Variants in B3GALT1 observed in about 807,000 individuals in gnomAD.
B3GALT1 encodes beta-1,3-galactosyltransferase 1.
A neutral mutation model predicts 23.2 loss-of-function variants in B3GALT1; 10 were observed. The observed-to-expected ratio is 0.43, with a 90% CI of 0.27 to 0.73. B3GALT1 has a LOEUF of 0.73. B3GALT1 is among the 30% of genes least tolerant of loss of function. B3GALT1 has a pLI of 0.21. For synonymous variants in B3GALT1, 156 were observed against 141.5 expected (o/e 1.10, Z -0.73); for missense variants, 299 against 405.4 (o/e 0.74, Z 2.25).
chr2:167,569,613 G>A (rs75917839), intron 2 of B3GALT1, among the ~76,000 whole-genome samples: 176 of 151,862 alleles, frequency 1.2e-3, no homozygotes, highest in Admixed American at 2.5e-3. Context: ...CAAACAATGA[G>A]CATTTTACTT....
intron 1 of B3GALT1, among the ~76,000 whole-genome samples, chr2:167,471,949 A>G (rs1699423636): frequency 6.6e-6 from 1 of 152,180 alleles, no homozygotes; most frequent in African/African-American, 2.4e-5. Flanking sequence ...GAAACACTGT[A>G]GTAGAAGAAA....
chr2:167,869,975 C>T lies in B3GALT1; in HGVS notation c.936C>T (p.His312=), dbSNP rs951129021. Residue 312 remains histidine (H), a synonymous_variant, in exon 5 of 5, where the codon CAC becomes CAT. Coordinates refer to ENST00000392690, the MANE Select transcript of B3GALT1 (RefSeq NM_020981.4). This position sits in a 1 kb window ranked among gnomAD's most constrained non-coding sequence, Gnocchi z 6.4. ...ATCAGATCTCTCCAGAAGAAATGCA[C>T]AGAATCTGGAATGACATGTCAAGCA... is the stretch of plus-strand genomic sequence containing the variant. ...TVHQISPEEM[H]RIWNDMSSKK... 2 of 1,610,044 alleles carry T rather than the reference C, an allele frequency of 1.2e-6. No individual in the cohort carries two copies. The highest frequency in any genetic ancestry group is 4.5e-5 in the East Asian group (2 of 44,784).
intron 1 of B3GALT1, among the ~76,000 whole-genome samples, chr2:167,340,198 C>T (rs1003555941): frequency 2.0e-5 from 3 of 151,600 alleles, no homozygotes; most frequent in African/African-American, 7.3e-5. Context: ...CCAGTTTGAC[C>T]TTGATCATCT....
intron 1 of B3GALT1, among the ~76,000 whole-genome samples, chr2:167,304,445 C>A (rs1323000655): frequency 6.6e-6 from 1 of 152,070 alleles, no homozygotes; most frequent in Non-Finnish European, 1.5e-5. Flanking sequence ...GGAAATAAGG[C>A]ATTAAATTAG....
intron 1 of B3GALT1, among the ~76,000 whole-genome samples, chr2:167,458,192 A>G (rs779727380): frequency 9.2e-5 from 14 of 152,294 alleles, no homozygotes; most frequent in Non-Finnish European, 1.9e-4. Flanking sequence ...TACCTCATAT[A>G]TAAGTGGAAT....
At chr2:167,692,699 C>T (rs1237153653) in intron 3 of B3GALT1, among the ~76,000 whole-genome samples, 2 of 151,944 alleles carry the variant, frequency 1.3e-5, no homozygotes, top group African/African-American at 4.8e-5. Context: ...TTAATAATAA[C>T]AATAATAGAA....
chr2:167,626,602 C>A (rs182673481), intron 2 of B3GALT1, among the ~76,000 whole-genome samples: 1,712 of 151,526 alleles, frequency 0.011, 17 homozygotes, highest in South Asian at 0.036. Flanking sequence ...AGAAAAAAAA[C>A]CAAAACAGGG....
intron 1 of B3GALT1, among the ~76,000 whole-genome samples, chr2:167,357,107 G>A (rs544253012): frequency 5.1e-4 from 78 of 151,938 alleles, no homozygotes; most frequent in African/African-American, 1.7e-3. Context: ...GTGCTTTCTA[G>A]AACTTGTTTA....
chr2:167,453,145 A>C (rs1699114290), intron 1 of B3GALT1, among the ~76,000 whole-genome samples: 6 of 152,186 alleles, frequency 3.9e-5, no homozygotes, highest in Admixed American at 3.9e-4. Flanking sequence ...CAGAATCACA[A>C]GAGAAGGAGT....
intron 2 of B3GALT1, among the ~76,000 whole-genome samples, chr2:167,598,153 T>C (rs1684812121): frequency 6.6e-6 from 1 of 152,190 alleles, no homozygotes; most frequent in South Asian, 2.1e-4. Context: ...AAGGTGGAAC[T>C]ACATTTATTC....
At chr2:167,721,164 G>A (rs762802864) in intron 3 of B3GALT1, among the ~76,000 whole-genome samples, 10 of 151,986 alleles carry the variant, frequency 6.6e-5, no homozygotes, top group East Asian at 1.9e-4. Flanking sequence ...AATACACTCC[G>A]TTACAGACAA....
At chr2:167,364,587 T>C (rs1323514115) in intron 1 of B3GALT1, among the ~76,000 whole-genome samples, 1 of 152,048 alleles carries the variant, frequency 6.6e-6, no homozygotes, top group African/African-American at 2.4e-5. Context: ...GAACATGCGG[T>C]GTTTGGTTTT....
chr2:167,404,489 T>G (rs138002962), intron 1 of B3GALT1, among the ~76,000 whole-genome samples: 1 of 152,234 alleles, frequency 6.6e-6, no homozygotes, highest in Non-Finnish European at 1.5e-5. Flanking sequence ...TGTAGTGTTT[T>G]GGGCTTTGTT....
intron 3 of B3GALT1, among the ~76,000 whole-genome samples, chr2:167,701,629 A>T (rs1686883396): frequency 1.3e-5 from 2 of 152,180 alleles, no homozygotes; most frequent in South Asian, 4.1e-4. Context: ...TGACTTCTTT[A>T]TGCGCCTTTG....
At chr2:167,724,438 A>G (rs1687277544) in intron 3 of B3GALT1, among the ~76,000 whole-genome samples, 1 of 152,214 alleles carries the variant, frequency 6.6e-6, no homozygotes, top group African/African-American at 2.4e-5. Context: ...TTATTAAAGG[A>G]CTGGTTACTT....
At chr2:167,656,849 A>T (rs1367285383) in intron 3 of B3GALT1, among the ~76,000 whole-genome samples, 1 of 152,124 alleles carries the variant, frequency 6.6e-6, no homozygotes, top group Non-Finnish European at 1.5e-5. Context: ...GAACCCCTAA[A>T]GGATGAATAG....
intron 2 of B3GALT1, among the ~76,000 whole-genome samples, chr2:167,579,746 G>A (rs1684450950): frequency 6.6e-6 from 1 of 151,980 alleles, no homozygotes; most frequent in African/African-American, 2.4e-5. Flanking sequence ...CCTCATTTTA[G>A]CAAAATTGTT....
chr2:167,592,665 G>A (rs530266670), intron 2 of B3GALT1, among the ~76,000 whole-genome samples: 1 of 152,084 alleles, frequency 6.6e-6, no homozygotes, highest in Non-Finnish European at 1.5e-5. Context: ...CACAGAAAAA[G>A]GCTCTTTGTT....
intron 3 of B3GALT1, chr2:167,716,125 A>G: frequency 1.4e-6 from 2 of 1,459,522 alleles, no homozygotes; most frequent in Admixed American, 2.0e-5. Context: ...GCGGTGGAGA[A>G]CACGCAGCCT....
Sources: gnomAD v4.1 joint callset for allele counts (sites outside exome capture counted in the v4.1 genomes callset) on GRCh38, gnomAD v4.1.1 for gene constraint, Gnocchi (gnomAD v3.1) non-coding constraint, MANE v1.5 for transcripts, NCBI Gene and HGNC (gene_info 2026-07-23, HGNC 2026-07-21) for gene names.